Variants in PTCH1 observed in about 807,000 individuals in gnomAD.
PTCH1 encodes the protein patched 1.
A neutral mutation model predicts 144.6 loss-of-function variants in PTCH1; 14 were observed. The ratio of observed to expected loss-of-function variants is 0.10; its 90% CI spans 0.06 to 0.15. The LOEUF is 0.15. PTCH1 is among the 10% of genes least tolerant of loss of function. The pLI, the probability that PTCH1 is intolerant of heterozygous loss-of-function variation, is 1.00. For synonymous variants in PTCH1, 833 were observed against 793.6 expected, an observed-to-expected ratio of 1.05 and a Z score of -0.83; for missense variants, 1,623 against 1,948.3, an observed-to-expected ratio of 0.83 and a Z score of 3.14.
At chr9:95,469,328 T>C (rs769863572) in intron 13 of PTCH1, 175 bp from the exon 14 acceptor site, 9 of 918,850 alleles carry the variant, frequency 9.8e-6, no homozygotes, top group Non-Finnish European at 1.5e-5. Flanking sequence ...ATCACCTGGT[T>C]CATCGCCTGG....
In PTCH1 at chr9:95,508,435, C is replaced by T. The variant is rs1288488676; in HGVS notation, c.-74G>A. The T allele has an allele frequency of 1.9e-6, 2 of 1,038,144 alleles. No individual in the cohort carries two copies. The highest frequency in any genetic ancestry group is 4.4e-5 in the South Asian group (1 of 22,702). 64.3% of individuals were successfully genotyped at this position (1,038,144 alleles called of 1,614,324 possible). A position where few individuals can be genotyped will look rare whatever the true frequency, so the allele number is the denominator to read the frequency against. On this transcript the variant is annotated 5_prime_UTR_variant, in exon 1 of 24. Coordinates refer to ENST00000331920, the MANE Select transcript of PTCH1 (RefSeq NM_000264.5). ...GCCCGGCGCGCTGCTGCCGCTGCTG[C>T]GGGCTCCTGGCGCGCCTGGGCGCTC...
chr9:95,490,519 T>TCACACACACA (rs536111739), intron 2 of PTCH1, among the ~76,000 whole-genome samples: 1,302 of 119,856 alleles, frequency 0.011, 26 homozygotes, highest in African/African-American at 0.029. Context: ...ACCTTCTATG[T>TCACACACACA]GACACACACA....
At chr9:95,474,710 A>G (rs1840881089) in intron 12 of PTCH1, among the ~76,000 whole-genome samples, 1 of 152,208 alleles carries the variant, frequency 6.6e-6, no homozygotes, top group African/African-American at 2.4e-5. Flanking sequence ...GCGAAATGAC[A>G]TTCAAATACG....
chr9:95,507,481 G>A (rs1564090212), intron 1 of PTCH1: 47 of 972,166 alleles, frequency 4.8e-5, no homozygotes, highest in Non-Finnish European at 5.6e-5. Flanking sequence ...CCGCAGACTC[G>A]CACCGCGAAT....
At chr9:95,474,468 G>C (rs565480675) in intron 12 of PTCH1, among the ~76,000 whole-genome samples, 3 of 152,180 alleles carry the variant, frequency 2.0e-5, no homozygotes, top group African/African-American at 7.2e-5. Context: ...CCTGTGCTTT[G>C]GTTCGAGCAT....
At chr9:95,472,082 AG>A (rs1485167942) in intron 12 of PTCH1, among the ~76,000 whole-genome samples, 1 of 149,860 alleles carries the variant, frequency 6.7e-6, no homozygotes, top group East Asian at 2.0e-4. Context: ...GGGGAATGGC[AG>A]GTGCTCCCTG....
chr9:95,450,312 C>T (rs996394655), intron 20 of PTCH1: 7 of 328,306 alleles, frequency 2.1e-5, no homozygotes, highest in Admixed American at 4.6e-5. Context: ...AACACAATGC[C>T]GAGGGGCCCC....
At chr9:95,473,526 T>A (rs1209656704) in intron 12 of PTCH1, among the ~76,000 whole-genome samples, 1 of 151,704 alleles carries the variant, frequency 6.6e-6, no homozygotes, top group Non-Finnish European at 1.5e-5. Context: ...TCTCTTTTCT[T>A]TGCATTTTCT....
At chr9:95,457,072 CA>C (rs1169290387) in intron 18 of PTCH1, among the ~76,000 whole-genome samples, 13 of 152,180 alleles carry the variant, frequency 8.5e-5, no homozygotes, top group African/African-American at 3.1e-4. Context: ...TGTTAAAATC[CA>C]AGGAAAAGCT....
At chr9:95,511,563 CGTGATTTT>C (rs1430341317), upstream of PTCH1, among the ~76,000 whole-genome samples, 1 of 152,184 alleles carries the variant, frequency 6.6e-6, no homozygotes, top group African/African-American at 2.4e-5. Flanking sequence ...TTAAGGAGCA[CGTGATTTT>C]GTGAGTGCCT....
At chr9:95,487,263 C>T (rs759354732) in intron 2 of PTCH1, among the ~76,000 whole-genome samples, 3 of 152,108 alleles carry the variant, frequency 2.0e-5, no homozygotes, top group Non-Finnish European at 4.4e-5. Flanking sequence ...TAACATACTG[C>T]GTGTGGGGTC....
Position 95,449,383 on chromosome 9 carries a change from A to C in PTCH1, c.3550-60T>G. On this transcript the variant is annotated intron_variant, in intron 21 of 23. Coordinates refer to ENST00000331920, the MANE Select transcript of PTCH1 (RefSeq NM_000264.5). This position sits in a 1 kb window ranked among gnomAD's most constrained non-coding sequence, Gnocchi z 5.3. ...GTCCATTTACCTGCTGGCCACACTC[A>C]AAGCTCAAAGCACGGTATTTTTCAG... is the stretch of plus-strand genomic sequence containing the variant. The C allele has an allele frequency of 6.5e-7, 1 of 1,535,508 alleles. No homozygotes were observed. Among genetic ancestry groups the C allele is most frequent in the Non-Finnish European group, 8.7e-7 (1 of 1,145,172 alleles).
At chr9:95,503,387 G>A (rs192638309) in intron 2 of PTCH1, 49 of 152,274 alleles carry the variant, frequency 3.2e-4, no homozygotes, top group African/African-American at 1.1e-3. Context: ...CTGCTGACGT[G>A]AACACTCAGC....
chr9:95,502,105 CCAGGAGGCCACATT>C (rs2118812974), intron 2 of PTCH1, among the ~76,000 whole-genome samples: 1 of 152,316 alleles, frequency 6.6e-6, no homozygotes, highest in Non-Finnish European at 1.5e-5. Flanking sequence ...AGGCTGCCCT[CCAGGAGGCCACATT>C]CCTGTTCTCT....
chr9:95,464,113 A>C lies in PTCH1; in HGVS notation c.2561-2115T>G, dbSNP rs28494679. ...CAACTCAGAATCCACACTGCTGGTC[A>C]CTTAGGTGCCATTCACTCTACTGGG... On this transcript the variant is annotated intron_variant, in intron 15 of 23. Coordinates refer to ENST00000331920, the MANE Select transcript of PTCH1 (RefSeq NM_000264.5). Among the ~76,000 whole-genome samples the C allele has an allele frequency of 0.12, 18,260 of 152,256 alleles. 1,212 individuals carry two copies. Among genetic ancestry groups the C allele is most frequent in the African/African-American group, 0.17 (6,958 of 41,520 alleles).
At chr9:95,494,148 G>C (rs1587657999) in intron 2 of PTCH1, 2 of 952,936 alleles carry the variant, frequency 2.1e-6, no homozygotes, top group Non-Finnish European at 2.5e-6. Flanking sequence ...GCGGGGTTCT[G>C]CAACGCGCAT....
At chr9:95,479,869 A>G (rs1239025573) in intron 7 of PTCH1, 100 bp downstream of exon 7, 6 of 1,571,730 alleles carry the variant, frequency 3.8e-6, no homozygotes, top group Non-Finnish European at 5.3e-6. Flanking sequence ...TAACGGTTTA[A>G]GTATTAATAC....
chr9:95,447,412 G>T lies in PTCH1; in HGVS notation c.3844C>A (p.Pro1282Thr). The T allele has an allele frequency of 6.2e-7, 1 of 1,605,218 alleles. No homozygotes were observed. The highest frequency in any genetic ancestry group is 8.5e-7 in the Non-Finnish European group (1 of 1,176,100). ...GAGTCCAGGTGGGGCTGCTGTCTCG[G>T]GTTCGAGGGTGGGTGATGCCTGGAT... ...PESRHHPPSNPRQQPHLDSGS... is the reference protein window; with the variant it reads ...PESRHHPPSNTRQQPHLDSGS... Residue 1282 changes from proline to threonine, a missense_variant, in exon 23 of 24, where the codon CCG (proline) becomes ACG (threonine). Around this residue, in one of 7 missense-constraint regions of PTCH1, gnomAD observed 291 missense variants for 287.4 expected, o/e 1.01. Coordinates refer to ENST00000331920, the MANE Select transcript of PTCH1 (RefSeq NM_000264.5).
chr9:95,469,656 C>G (rs1162890091), intron 13 of PTCH1, among the ~76,000 whole-genome samples, 157 bp downstream of exon 13: 1 of 152,034 alleles, frequency 6.6e-6, no homozygotes, highest in Non-Finnish European at 1.5e-5. Flanking sequence ...CTGATGTCCC[C>G]CTAGGGAAGC....
Sources: gnomAD v4.1 joint callset for allele counts (sites outside exome capture counted in the v4.1 genomes callset) on GRCh38, gnomAD v4.1.1 for gene constraint, gnomAD v4.1.1 regional missense constraint, Gnocchi (gnomAD v3.1) non-coding constraint, MANE v1.5 for transcripts, NCBI Gene and HGNC (gene_info 2026-07-23, HGNC 2026-07-21) for gene names.